SPIRE1: variants seen among roughly 807,000 people sequenced by gnomAD.
SPIRE1 encodes spire type actin nucleation factor 1, also known as protein spire homolog 1.
SPIRE1 carries 40 observed loss-of-function variants against 94.1 expected under a neutral mutation model. That is an observed-to-expected ratio of 0.43 (90% CI 0.33 to 0.55). SPIRE1 has a LOEUF of 0.55. Among genes scored for constraint, SPIRE1 ranks in the 20% least tolerant of loss-of-function variants. The pLI is 0.06. For synonymous variants in SPIRE1, 376 were observed against 371.7 expected (o/e 1.01, Z -0.13); for missense variants, 838 against 975.2 (o/e 0.86, Z 1.87).
At chr18:12,560,135 TG>T (rs1164860874) in intron 2 of SPIRE1, among the ~76,000 whole-genome samples, 3 of 152,138 alleles carry the variant, frequency 2.0e-5, no homozygotes, top group Non-Finnish European at 4.4e-5. Flanking sequence ...ACACTGCTGG[TG>T]GGAAAGTAAA....
chr18:12,501,985 T>C (rs566660491), intron 6 of SPIRE1, among the ~76,000 whole-genome samples: 1 of 152,262 alleles, frequency 6.6e-6, no homozygotes, highest in African/African-American at 2.4e-5. Context: ...ATGTCTTTTA[T>C]TTACCACAGG....
At chr18:12,466,972 G>C (rs1461357857) in intron 10 of SPIRE1, among the ~76,000 whole-genome samples, 1 of 152,080 alleles carries the variant, frequency 6.6e-6, no homozygotes, top group East Asian at 1.9e-4. Context: ...CCACGTAAAC[G>C]ACATAGTTCA....
At position 12,614,219 on chromosome 18, in the gene SPIRE1, C is replaced by G. The variant is rs151065671; in HGVS notation, c.372+20843G>C. On this transcript the variant is annotated intron_variant, in intron 2 of 16. Transcript: ENST00000409402. ...CAGACTGCAGTGAGCTATGATCGTA[C>G]TATTGCACTCTAGCCTAGGCAACAG... is the stretch of plus-strand genomic sequence containing the variant. 1.1e-3 allele frequency among the ~76,000 whole-genome samples: 173 copies of G among 152,280 alleles called. 1 individual carries two copies. The highest frequency in any genetic ancestry group is 3.8e-3 in the African/African-American group (157 of 41,568).
At chr18:12,572,692 T>A (rs965457359) in intron 2 of SPIRE1, among the ~76,000 whole-genome samples, 1 of 152,030 alleles carries the variant, frequency 6.6e-6, no homozygotes, top group Non-Finnish European at 1.5e-5. Flanking sequence ...ATAAAATAGA[T>A]CAATGGGACA....
intron 2 of SPIRE1, among the ~76,000 whole-genome samples, chr18:12,634,268 A>ATG (rs1555635123): frequency 1.4e-5 from 2 of 144,646 alleles, no homozygotes; most frequent in Non-Finnish European, 3.1e-5. Context: ...TAAAAAAAAA[A>ATG]AAAAATAATA....
intron 8 of SPIRE1, among the ~76,000 whole-genome samples, chr18:12,491,243 T>C (rs917398143): frequency 2.4e-5 from 3 of 124,480 alleles, no homozygotes; most frequent in East Asian, 2.3e-4. Flanking sequence ...ACAGATCCAA[T>C]AGAATCCCCA....
intron 4 of SPIRE1, among the ~76,000 whole-genome samples, chr18:12,521,067 G>A (rs115511984): frequency 0.016 from 2,369 of 152,228 alleles, 64 homozygotes; most frequent in African/African-American, 0.054. Context: ...ACTATAAAAT[G>A]TGGCTATAAG....
chr18:12,650,711 G>GA (rs56170775), intron 1 of SPIRE1, among the ~76,000 whole-genome samples: 41 of 116,682 alleles, frequency 3.5e-4, no homozygotes, highest in South Asian at 9.0e-4. Flanking sequence ...TCCATCTCAG[G>GA]AAAAAAAAAA....
At chr18:12,481,464 T>C (rs1358949702) in intron 9 of SPIRE1, among the ~76,000 whole-genome samples, 2 of 151,998 alleles carry the variant, frequency 1.3e-5, no homozygotes, top group Non-Finnish European at 2.9e-5. Context: ...AAATGATATA[T>C]ATCTTATTTA....
intron 2 of SPIRE1, among the ~76,000 whole-genome samples, chr18:12,607,640 CA>C (rs2037021918): frequency 7.0e-6 from 1 of 142,590 alleles, no homozygotes; most frequent in Non-Finnish European, 1.5e-5. Flanking sequence ...CACACACACA[CA>C]GTCTCTTGTT....
In SPIRE1 at chr18:12,527,350, G is replaced by A. The variant is rs964477751; in HGVS notation, c.729+8126C>T. On this transcript the variant is annotated intron_variant, in intron 4 of 16. Coordinates refer to ENST00000409402, the MANE Select transcript of SPIRE1 (RefSeq NM_001128626.2). ...CGTGCTTCAGTTTTTCTATCTACACGAGTGAGGCAGTGAAGGGTAATACTA... is the reference window on the plus strand; with the variant it reads ...CGTGCTTCAGTTTTTCTATCTACACAAGTGAGGCAGTGAAGGGTAATACTA... Among the ~76,000 whole-genome samples the A allele has an allele frequency of 3.9e-5, 6 of 152,150 alleles. No homozygotes were observed. The South Asian group carries it at 8.3e-4, about 21-fold the overall frequency.
In SPIRE1 at chr18:12,559,018, C is replaced by A. The variant is rs191326980; in HGVS notation, c.373-12114G>T. Among the ~76,000 whole-genome samples, 94 of 152,326 alleles carry A rather than the reference C, an allele frequency of 6.2e-4. No individual in the cohort carries two copies. The highest frequency in any genetic ancestry group is 2.1e-3 in the African/African-American group (88 of 41,580). On this transcript the variant is annotated intron_variant, in intron 2 of 16. Transcript: ENST00000409402. This position sits in a 1 kb window ranked among gnomAD's most constrained non-coding sequence, Gnocchi z 4.7. ...CCAACTCAGGAGCCCAGCTGGCTTC[C>A]CCTAGTGGATCCTGCACCAGGGCGG...
chr18:12,506,703 T>C, intron 5 of SPIRE1, 62 bp from the exon 6 acceptor site: 1 of 1,453,610 alleles, frequency 6.9e-7, no homozygotes, highest in Non-Finnish European at 9.6e-7. Flanking sequence ...TCTAAACAGC[T>C]AGTCATACAG....
At chr18:12,513,417 G>A (rs12961307) in intron 4 of SPIRE1, among the ~76,000 whole-genome samples, 14,368 of 151,978 alleles carry the variant, frequency 0.095, 967 homozygotes, top group Middle Eastern at 0.19. Context: ...TAATCCCCAC[G>A]TTGATCAAAA....
intron 2 of SPIRE1, among the ~76,000 whole-genome samples, chr18:12,602,698 A>C (rs1474194003): frequency 2.6e-5 from 4 of 152,228 alleles, no homozygotes; most frequent in Non-Finnish European, 5.9e-5. Flanking sequence ...GAGACATGCA[A>C]TCAGGTCTAC....
At chr18:12,498,032 G>A (rs1355615966) in intron 6 of SPIRE1, among the ~76,000 whole-genome samples, 2 of 152,212 alleles carry the variant, frequency 1.3e-5, no homozygotes, top group African/African-American at 4.8e-5. Flanking sequence ...GTCAGTACGG[G>A]TGGAGGAAGC....
At chr18:12,617,792 G>T (rs145618481) in intron 2 of SPIRE1, among the ~76,000 whole-genome samples, 1 of 152,228 alleles carries the variant, frequency 6.6e-6, no homozygotes, top group African/African-American at 2.4e-5. Context: ...CTGACCTCAA[G>T]TGATCCACCA....
At chr18:12,594,392 A>G (rs1020768842) in intron 2 of SPIRE1, among the ~76,000 whole-genome samples, 1 of 152,216 alleles carries the variant, frequency 6.6e-6, no homozygotes, top group African/African-American at 2.4e-5. Flanking sequence ...ATATTAAGCA[A>G]TCATTAAAAA....
intron 12 of SPIRE1, among the ~76,000 whole-genome samples, chr18:12,458,275 A>C (rs1380984482): frequency 6.6e-6 from 1 of 152,092 alleles, no homozygotes; most frequent in Non-Finnish European, 1.5e-5. Flanking sequence ...AATTTAAATA[A>C]AAACAGCAAC....
Sources: allele counts gnomAD v4.1 joint callset (sites outside exome capture counted in the v4.1 genomes callset), GRCh38; gene constraint gnomAD v4.1.1; non-coding constraint Gnocchi (gnomAD v3.1); transcripts MANE v1.5; gene names NCBI Gene and HGNC (gene_info 2026-07-23, HGNC 2026-07-21).